Variants in ROBO1 observed in about 807,000 individuals in gnomAD.
ROBO1 encodes the protein roundabout guidance receptor 1.
ROBO1 carries 149 observed loss-of-function variants against 195.9 expected under a neutral mutation model. The ratio of observed to expected loss-of-function variants is 0.76; its 90% CI spans 0.67 to 0.87. ROBO1 has a LOEUF of 0.87. Among genes scored for constraint, ROBO1 ranks in the 40% least tolerant of loss-of-function variants. ROBO1 has a pLI of 0.00. For missense variants in ROBO1, 1,933 were observed against 2,068.3 expected (o/e 0.93, Z 1.27); for synonymous variants, 816 against 733.2 (o/e 1.11, Z -1.82).
chr3:79,053,996 T>G (rs540526257), intron 3 of ROBO1, among the ~76,000 whole-genome samples: 1 of 152,248 alleles, frequency 6.6e-6, no homozygotes, highest in Non-Finnish European at 1.5e-5. Flanking sequence ...TATTACAAAC[T>G]TTTTGTACTG....
chr3:79,596,535 T>C (rs1479806002), intron 1 of ROBO1, among the ~76,000 whole-genome samples: 4 of 151,974 alleles, frequency 2.6e-5, no homozygotes, highest in Admixed American at 2.6e-4. Context: ...AAATAAATAA[T>C]ATGTGATGTA....
At chr3:79,370,173 G>T (rs1175623385) in intron 2 of ROBO1, among the ~76,000 whole-genome samples, 2 of 151,612 alleles carry the variant, frequency 1.3e-5, no homozygotes, top group Non-Finnish European at 2.9e-5. Flanking sequence ...TGGGCAACAT[G>T]GTGAAACCTC....
intron 2 of ROBO1, among the ~76,000 whole-genome samples, chr3:79,589,237 C>T (rs1943921692): frequency 1.3e-5 from 2 of 151,586 alleles, no homozygotes; most frequent in Admixed American, 1.3e-4. Context: ...CCTATTAAAA[C>T]AGTATAAGTA....
chr3:78,819,764 T>C (rs2018432), intron 4 of ROBO1, among the ~76,000 whole-genome samples: 40,073 of 152,092 alleles, frequency 0.26, 5,473 homozygotes, highest in Non-Finnish European at 0.28. Context: ...TTTTGGTTTC[T>C]TGTCATCATG....
chr3:79,435,361 C>A (rs903140375), intron 2 of ROBO1, among the ~76,000 whole-genome samples: 2 of 152,286 alleles, frequency 1.3e-5, no homozygotes, highest in East Asian at 3.9e-4. Context: ...GCTGGGATTA[C>A]AGGTGCAAGC....
chr3:79,492,076 AG>A (rs1939488132), intron 2 of ROBO1, among the ~76,000 whole-genome samples: 1 of 152,142 alleles, frequency 6.6e-6, no homozygotes, highest in Admixed American at 6.5e-5. Flanking sequence ...ACATGTCTAA[AG>A]GACTAAGAAT....
At chr3:79,688,864 T>C (rs1187078424) in intron 1 of ROBO1, among the ~76,000 whole-genome samples, 4 of 152,040 alleles carry the variant, frequency 2.6e-5, no homozygotes, top group African/African-American at 7.2e-5. Flanking sequence ...ATAATTGTTG[T>C]AAGATACACA....
chr3:78,754,380 C>T (rs1224893322), intron 4 of ROBO1, among the ~76,000 whole-genome samples: 2 of 152,098 alleles, frequency 1.3e-5, no homozygotes, highest in Admixed American at 6.6e-5. Flanking sequence ...ATCTGAGCTA[C>T]GGGACCCTGA....
intron 2 of ROBO1, among the ~76,000 whole-genome samples, chr3:79,359,974 A>G (rs1051264168): frequency 1.1e-4 from 16 of 152,044 alleles, no homozygotes; most frequent in African/African-American, 3.9e-4. Flanking sequence ...CCATCACCAG[A>G]TAAAAGAAGA....
At chr3:79,753,038 C>T (rs977343412) in intron 1 of ROBO1, among the ~76,000 whole-genome samples, 2 of 151,866 alleles carry the variant, frequency 1.3e-5, no homozygotes, top group Non-Finnish European at 2.9e-5. Flanking sequence ...GGAATGAGGG[C>T]AGACAAATGA....
chr3:79,475,663 G>A (rs1938514370), intron 2 of ROBO1, among the ~76,000 whole-genome samples: 2 of 152,156 alleles, frequency 1.3e-5, no homozygotes, highest in South Asian at 2.1e-4. Context: ...ATGATTTTTA[G>A]TAGGTTTTAT....
intron 2 of ROBO1, among the ~76,000 whole-genome samples, chr3:79,499,628 C>A (rs751101799): frequency 1.4e-4 from 22 of 152,086 alleles, no homozygotes; most frequent in Non-Finnish European, 2.9e-4. Context: ...TTCGAAACTT[C>A]TTTTAAAATT....
intron 4 of ROBO1, among the ~76,000 whole-genome samples, chr3:78,842,333 T>TATATGTATGAGCCA (rs2033299066): frequency 1.7e-5 from 2 of 117,648 alleles, no homozygotes; most frequent in African/African-American, 6.6e-5. Flanking sequence ...ATATATATTT[T>TATATGTATGAGCCA]TATATATATG....
chr3:79,493,163 G>A (rs1939556778), intron 2 of ROBO1, among the ~76,000 whole-genome samples: 1 of 151,996 alleles, frequency 6.6e-6, no homozygotes, highest in South Asian at 2.1e-4. Flanking sequence ...TATTAAAAAG[G>A]TAAGATATTA....
intron 2 of ROBO1, among the ~76,000 whole-genome samples, chr3:79,467,267 C>T (rs1472610809): frequency 6.6e-6 from 1 of 151,826 alleles, no homozygotes; most frequent in Non-Finnish European, 1.5e-5. Flanking sequence ...TACTTTGGCA[C>T]CAGTGATATA....
intron 2 of ROBO1, among the ~76,000 whole-genome samples, chr3:79,188,902 A>T (rs1232710902): frequency 2.0e-5 from 3 of 151,700 alleles, no homozygotes; most frequent in African/African-American, 7.3e-5. Context: ...TTAGGTCATG[A>T]GGGCAGATCT....
chr3:78,964,125 A>T (rs974325458), intron 3 of ROBO1, among the ~76,000 whole-genome samples: 1 of 152,012 alleles, frequency 6.6e-6, no homozygotes, highest in Non-Finnish European at 1.5e-5. Context: ...CCCTGTCTTT[A>T]TCTTTACATG....
chr3:79,556,510 T>C (rs2107691893), intron 2 of ROBO1, among the ~76,000 whole-genome samples: 1 of 152,244 alleles, frequency 6.6e-6, no homozygotes, highest in Non-Finnish European at 1.5e-5. Flanking sequence ...CATAAAATTG[T>C]ATGTAACCTA....
At chr3:78,863,417 G>A (rs185535348) in intron 4 of ROBO1, among the ~76,000 whole-genome samples, 2 of 152,044 alleles carry the variant, frequency 1.3e-5, no homozygotes, top group Non-Finnish European at 2.9e-5. Context: ...GGAGCAGCCA[G>A]GGGGGAAATG....
Sources: gnomAD v4.1 joint callset for allele counts (sites outside exome capture counted in the v4.1 genomes callset) on GRCh38, gnomAD v4.1.1 for gene constraint, MANE v1.5 for transcripts, NCBI Gene and HGNC (gene_info 2026-07-23, HGNC 2026-07-21) for gene names.